OR51B5: variants seen among roughly 807,000 people sequenced by gnomAD.
OR51B5 encodes the protein olfactory receptor 51B5.
For synonymous variants in OR51B5, 186 were observed against 144.8 expected, an observed-to-expected ratio of 1.28 and a Z score of -2.04; for missense variants, 456 against 374.6, an observed-to-expected ratio of 1.22 and a Z score of -1.79.
chr11:5,451,441 G>A (rs1490325928), intron 1 of OR51B5, among the ~76,000 whole-genome samples: 1 of 152,182 alleles, frequency 6.6e-6, no homozygotes, highest in African/African-American at 2.4e-5. Flanking sequence ...AGAAATAAGA[G>A]ACAAACATCA....
chr11:5,376,551 C>T lies in OR51B5; in HGVS notation n.85-29641G>A, dbSNP rs1433276787. On this transcript the variant is annotated intron_variant and non_coding_transcript_variant, in intron 1 of 4. Transcript: ENST00000415970. The stretch of plus-strand genomic sequence containing the variant: ...TGGTTTTTTGAAAGGATCAACAAAA[C>T]TGATAGACCGCTAGCAAGACTAATA... Among the ~76,000 whole-genome samples the T allele has an allele frequency of 3.3e-5, 5 of 152,102 alleles. No individual in the cohort carries two copies. In the South Asian group the frequency reaches 8.3e-4, roughly 25 times the overall value.
At position 5,473,676 on chromosome 11, in the gene OR51B5, G is replaced by A. The variant is rs188132481; in HGVS notation, n.84+31893C>T. 4.1e-3 allele frequency among the ~76,000 whole-genome samples: 619 copies of A among 152,132 alleles called. 6 individuals carry two copies. Among genetic ancestry groups the A allele is most frequent in the African/African-American group, 0.014 (575 of 41,510 alleles). On this transcript the variant is annotated intron_variant and non_coding_transcript_variant, in intron 1 of 4. Coordinates refer to the OR51B5 transcript ENST00000415970. ...ATGGAATTATTTAATGGAAAAATAA[G>A]CATACACATTTAGAGCATCAGAAGA... is the stretch of plus-strand genomic sequence containing the variant.
intron 1 of OR51B5, among the ~76,000 whole-genome samples, chr11:5,413,208 G>C (rs1431658427): frequency 6.6e-6 from 1 of 152,134 alleles, no homozygotes; most frequent in African/African-American, 2.4e-5. Context: ...AACTCCAACA[G>C]ACCTGCAGCT....
intron 1 of OR51B5, among the ~76,000 whole-genome samples, chr11:5,399,403 A>G (rs915980640): frequency 2.0e-5 from 3 of 152,238 alleles, no homozygotes; most frequent in Non-Finnish European, 4.4e-5. Flanking sequence ...AAAGGCTCAC[A>G]TTAAATATTT....
At chr11:5,448,505 C>T (rs1179824693) in intron 1 of OR51B5, among the ~76,000 whole-genome samples, 1 of 152,090 alleles carries the variant, frequency 6.6e-6, no homozygotes, top group African/African-American at 2.4e-5. Flanking sequence ...CAAAAGACTG[C>T]AAGATTCCAC....
intron 1 of OR51B5, among the ~76,000 whole-genome samples, chr11:5,367,152 A>G (rs1295924750): frequency 2.0e-5 from 3 of 152,210 alleles, no homozygotes; most frequent in South Asian, 2.1e-4. Context: ...TTAGTGACAC[A>G]GAGTTTTAGT....
intron 1 of OR51B5, among the ~76,000 whole-genome samples, chr11:5,448,255 G>C (rs1469404507): frequency 2.0e-5 from 3 of 152,070 alleles, no homozygotes; most frequent in Non-Finnish European, 4.4e-5. Flanking sequence ...TTTGTTCCTA[G>C]GTTAGATTGT....
chr11:5,494,581 T>C (rs1198154995), intron 1 of OR51B5, among the ~76,000 whole-genome samples: 1 of 152,178 alleles, frequency 6.6e-6, no homozygotes, highest in African/African-American at 2.4e-5. Flanking sequence ...GCCAATAAAC[T>C]ATTTAAGGAA....
chr11:5,440,662 C>A, intron 1 of OR51B5: 1 of 1,613,872 alleles, frequency 6.2e-7, no homozygotes, highest in Non-Finnish European at 8.5e-7. Flanking sequence ...ATGGGTGGTA[C>A]AAACAGGTAG....
At chr11:5,484,132 G>T (rs895663327) in intron 1 of OR51B5, among the ~76,000 whole-genome samples, 3 of 152,086 alleles carry the variant, frequency 2.0e-5, no homozygotes, top group Admixed American at 2.0e-4. Context: ...TCTTGTGCAG[G>T]TAAGTTCTTG....
intron 1 of OR51B5, among the ~76,000 whole-genome samples, chr11:5,467,476 C>T (rs1246695554): frequency 6.6e-6 from 1 of 152,226 alleles, no homozygotes; most frequent in East Asian, 1.9e-4. Context: ...TACATGTCTT[C>T]ATTCCCTAAT....
intron 1 of OR51B5, among the ~76,000 whole-genome samples, chr11:5,366,375 G>A (rs971916677): frequency 1.3e-5 from 2 of 152,116 alleles, no homozygotes; most frequent in African/African-American, 4.8e-5. Context: ...GGGTGGCTGA[G>A]GCAGGAGGAT....
intron 1 of OR51B5, among the ~76,000 whole-genome samples, chr11:5,467,231 G>A (rs1313743443): frequency 6.6e-6 from 1 of 152,146 alleles, no homozygotes; most frequent in Non-Finnish European, 1.5e-5. Flanking sequence ...TTTCTGTCAT[G>A]TGATTTTGCC....
intron 1 of OR51B5, chr11:5,455,842 A>T (rs1317330923): frequency 6.6e-6 from 1 of 152,170 alleles, no homozygotes; most frequent in Non-Finnish European, 1.5e-5. Context: ...TACAGGTACA[A>T]TAAGACACCA....
rs146403646 is a variant in OR51B5, at chr11:5,463,723, T to A, written n.84+41846A>T. 7.4e-3 allele frequency among the ~76,000 whole-genome samples: 1,134 copies of A among 152,314 alleles called. 10 individuals are homozygous for A. Among genetic ancestry groups the A allele is most frequent in the African/African-American group, 0.025 (1,050 of 41,556 alleles). ...TTTATTGAAACCTACTATTTGCCAA[T>A]CCCAGTGTTACATTTGAAGGACTCA... On this transcript the variant is annotated intron_variant and non_coding_transcript_variant, in intron 1 of 4. Transcript: ENST00000415970.
chr11:5,427,890 A>G (rs1850473300), intron 1 of OR51B5, among the ~76,000 whole-genome samples: 1 of 152,210 alleles, frequency 6.6e-6, no homozygotes, highest in Non-Finnish European at 1.5e-5. Flanking sequence ...GGTGAATATT[A>G]AAATAGTTTT....
chr11:5,348,033 A>T (rs1314162724), upstream of OR51B5, among the ~76,000 whole-genome samples: 1 of 143,804 alleles, frequency 7.0e-6, no homozygotes, highest in Non-Finnish European at 1.6e-5. Context: ...GTAAGATCTC[A>T]TTGCAGGAAC....
intron 1 of OR51B5, among the ~76,000 whole-genome samples, chr11:5,443,810 G>A (rs78840570): frequency 0.042 from 6,420 of 151,936 alleles, 397 homozygotes; most frequent in African/African-American, 0.14. Flanking sequence ...GACCTATCTT[G>A]GAAGGAAGGT....
intron 1 of OR51B5, among the ~76,000 whole-genome samples, chr11:5,450,417 G>T (rs2647614): frequency 0.35 from 53,547 of 151,762 alleles, 10,506 homozygotes; most frequent in Non-Finnish European, 0.45. Flanking sequence ...ATTAATTAAT[G>T]AATAAAAATA....
Sources: gnomAD v4.1 joint callset for allele counts (sites outside exome capture counted in the v4.1 genomes callset) on GRCh38, gnomAD v4.1.1 for gene constraint, MANE v1.5 for transcripts, NCBI Gene and HGNC (gene_info 2026-07-23, HGNC 2026-07-21) for gene names.